Variants in SLC27A5 observed in about 807,000 individuals in gnomAD.
SLC27A5 encodes the protein solute carrier family 27 member 5.
A neutral mutation model predicts 63.1 loss-of-function variants in SLC27A5; 47 were observed. The observed-to-expected ratio is 0.74, with a 90% CI of 0.59 to 0.95. The LOEUF (loss-of-function observed/expected upper bound fraction) is 0.95, where lower values mean the gene tolerates loss of function less well. Among genes scored for constraint, SLC27A5 ranks in the 40% least tolerant of loss-of-function variants. The probability of loss-of-function intolerance (pLI) is 0.00; values close to 1 mark genes in which losing one functional copy is unlikely to be tolerated. For missense variants in SLC27A5, 940 were observed against 921.0 expected, an observed-to-expected ratio of 1.02 and a Z score of -0.27; for synonymous variants, 391 against 403.8, an observed-to-expected ratio of 0.97 and a Z score of 0.38.
intron 3 of SLC27A5, among the ~76,000 whole-genome samples, chr19:58,505,708 C>T (rs903716116): frequency 6.6e-6 from 1 of 151,072 alleles, no homozygotes; most frequent in Non-Finnish European, 1.5e-5. Context: ...ATTAGCCGGT[C>T]GTGAGGGCAC....
intron 3 of SLC27A5, 149 bp downstream of exon 3, chr19:58,509,698 G>T: frequency 2.9e-6 from 2 of 690,944 alleles, no homozygotes; most frequent in Non-Finnish European, 4.7e-6. Context: ...TGTCCATGCG[G>T]CCCTGGTAGT....
chr19:58,507,694 T>C (rs1218660189), intron 3 of SLC27A5: 3 of 152,150 alleles, frequency 2.0e-5, no homozygotes, highest in Non-Finnish European at 4.4e-5. Context: ...AGGAGAGATA[T>C]TGCTAAATTA....
At chr19:58,508,459 G>C (rs2053371446) in intron 3 of SLC27A5, 2 of 151,326 alleles carry the variant, frequency 1.3e-5, no homozygotes, top group South Asian at 4.2e-4. Flanking sequence ...GGGAGGCTGA[G>C]GCAGGAGAAT....
chr19:58,511,093 G>C (rs2053405400), intron 1 of SLC27A5, 163 bp from the exon 2 acceptor site: 1 of 944,098 alleles, frequency 1.1e-6, no homozygotes, highest in East Asian at 2.7e-5. Context: ...TCAAATTGTG[G>C]GAAAATTAAA....
intron 3 of SLC27A5, chr19:58,507,907 C>T (rs2053365268): frequency 6.6e-6 from 1 of 152,238 alleles, no homozygotes; most frequent in Middle Eastern, 3.4e-3. Flanking sequence ...CAGACCAGTT[C>T]TCTGCTCTTG....
intron 3 of SLC27A5, among the ~76,000 whole-genome samples, chr19:58,502,931 G>A (rs1055834326): frequency 6.6e-6 from 1 of 151,996 alleles, no homozygotes; most frequent in Admixed American, 6.6e-5. Context: ...AGGTGGCTGG[G>A]TGAGGATCGT....
At position 58,498,956 on chromosome 19, in the gene SLC27A5, G is replaced by A. The variant is rs778999156; in HGVS notation, c.1766-41C>T. 3.1e-6 allele frequency: 5 copies of A among 1,599,316 alleles called. No individual in the cohort carries two copies. In the African/African-American group the frequency reaches 6.7e-5, roughly 21 times the overall value. On this transcript the variant is annotated intron_variant, in intron 8 of 9. Transcript: ENST00000263093. ...GTCACTCTCGGCTGACCCATCTCGA[G>A]GGCCCATAGCTGACCCTCCAGCCTC...
intron 7 of SLC27A5, 94 bp downstream of exon 7, chr19:58,499,398 A>G (rs986586125): frequency 2.4e-5 from 34 of 1,435,034 alleles, no homozygotes; most frequent in Middle Eastern, 1.9e-4. Flanking sequence ...CTCTTACGAC[A>G]GGAAAGTCCC....
At position 58,510,872 on chromosome 19, in the gene SLC27A5, GCAGCGGATGTTCT is replaced by G; in HGVS notation, c.734_746del (p.Glu245AlafsTer67). 1 of 1,612,920 alleles carries G rather than the reference GCAGCGGATGTTCT, an allele frequency of 6.2e-7. No individual in the cohort carries two copies. Among genetic ancestry groups the G allele is most frequent in the South Asian group, 1.1e-5 (1 of 90,814 alleles). ...TAGGGGAGGTATGGCTGAGGTAGAAGCAGCGGATGTTCTCAGCCTGCAGCTTGGGAAGGATCTC... is the reference window on the plus strand; with the variant it reads ...TAGGGGAGGTATGGCTGAGGTAGAAGCAGCCTGCAGCTTGGGAAGGATCTC... On this transcript the variant is annotated frameshift_variant, in exon 2 of 10. Coordinates refer to ENST00000263093, the MANE Select transcript of SLC27A5 (RefSeq NM_012254.3). LOFTEE classifies it high-confidence loss of function.
chr19:58,510,606 T>C, intron 2 of SLC27A5, 115 bp downstream of exon 2: 1 of 926,014 alleles, frequency 1.1e-6, no homozygotes. Context: ...AAAACAAATG[T>C]CAAAATCAGA....
In SLC27A5 at chr19:58,500,603, C is replaced by G. The variant is rs1440410256; in HGVS notation, c.1286G>C (p.Trp429Ser). 6.2e-7 allele frequency: 1 copy of G among 1,614,156 alleles called. No individual in the cohort carries two copies. Among genetic ancestry groups the G allele is most frequent in the Non-Finnish European group, 8.5e-7 (1 of 1,180,030 alleles). The change falls in exon 5 of 10, where the codon TGG (tryptophan) becomes TCG (serine). Residue 429 changes from tryptophan (W) to serine (S), a missense_variant. Transcript: ENST00000263093. ...FQQRFGPIRI[W>S]EVYGSTEGNM... is the part of the protein sequence containing the mutation. ...GCCTTCTGTGGAGCCGTAGACTTCC[C>G]AGATCCGAATAGGACCGAAGCGCTG...
At position 58,498,493 on chromosome 19, in the gene SLC27A5, C is replaced by T. The variant is rs760967886; in HGVS notation, c.*22G>A. ...TGGGGGTGGCTGGCTTTGATCCCTA[C>T]CCCAGTGGGTTGGCCAGGTGATCAG... On this transcript the variant is annotated 3_prime_UTR_variant, in exon 10 of 10. Coordinates refer to ENST00000263093, the MANE Select transcript of SLC27A5 (RefSeq NM_012254.3). The T allele has an allele frequency of 1.6e-5, 25 of 1,596,224 alleles. No homozygotes were observed. In the East Asian group the frequency reaches 2.0e-4, roughly 13 times the overall value.
chr19:58,499,735 A>G (rs747189295), intron 6 of SLC27A5, 45 bp from the exon 7 acceptor site: 18 of 1,587,506 alleles, frequency 1.1e-5, no homozygotes, highest in Non-Finnish European at 1.5e-5. Context: ...CCACCAGCCA[A>G]GCCCCCTGCT....
At chr19:58,502,034 T>A (rs941359181) in intron 3 of SLC27A5, among the ~76,000 whole-genome samples, 13 of 152,312 alleles carry the variant, frequency 8.5e-5, no homozygotes, top group African/African-American at 3.1e-4. Flanking sequence ...TCACTCTTGA[T>A]TACGATAAAT....
intron 3 of SLC27A5, among the ~76,000 whole-genome samples, chr19:58,503,776 C>T (rs1568629761): frequency 6.6e-6 from 1 of 151,728 alleles, no homozygotes; most frequent in Non-Finnish European, 1.5e-5. Context: ...AATGGGGAGA[C>T]TGTTTAATTG....
At chr19:58,499,905 G>A (rs1351923162) in intron 6 of SLC27A5, among the ~76,000 whole-genome samples, 1 of 152,092 alleles carries the variant, frequency 6.6e-6, no homozygotes, top group Non-Finnish European at 1.5e-5. Context: ...TAGAGAAGGC[G>A]GTATGGGGAG....
Position 58,501,525 on chromosome 19 carries a change from G to C in SLC27A5, c.1058-115C>G, listed in dbSNP as rs1333664466. On this transcript the variant is annotated intron_variant, in intron 3 of 9. Transcript: ENST00000263093. The stretch of plus-strand genomic sequence containing the variant: ...ACCCTGAAATACAGGACAATACTGA[G>C]TTCATCTTTGTGTCCTTGGCCCAGC... 20 of 1,168,206 alleles carry C rather than the reference G, an allele frequency of 1.7e-5. No homozygotes were observed. The Admixed American group carries it at 2.7e-4, about 16-fold the overall frequency. 72.4% of individuals were successfully genotyped at this position (1,168,206 alleles called of 1,614,324 possible). A position where few individuals can be genotyped will look rare whatever the true frequency, so the allele number is the denominator to read the frequency against.
Position 58,502,975 on chromosome 19 carries a change from G to A in SLC27A5, c.1058-1565C>T, listed in dbSNP as rs544579722. On this transcript the variant is annotated intron_variant, in intron 3 of 9. Coordinates refer to ENST00000263093, the MANE Select transcript of SLC27A5 (RefSeq NM_012254.3). The stretch of plus-strand genomic sequence containing the variant: ...TAATCCCAGGACTTAGGGAGGCCGA[G>A]GTGGGCGGATCACGAGGTCAGGAGA... Among the ~76,000 whole-genome samples the A allele has an allele frequency of 3.8e-3, 571 of 152,254 alleles. 6 individuals are homozygous for A. Among genetic ancestry groups the A allele is most frequent in the Non-Finnish European group, 6.0e-3 (406 of 68,026 alleles).
chr19:58,498,533 C>T lies in SLC27A5; in HGVS notation c.2055G>A (p.Glu685=). ...LTAEMYQAVC[E]GTWRL is the part of the protein sequence containing the mutation. ...CAGGTGATCAGAGCCTCCAGGTTCC[C>T]TCACACACAGCCTGGTACATTTCTG... The change falls in exon 10 of 10, where the codon GAG becomes GAA. Residue 685 remains glutamate (E), a synonymous_variant. Transcript: ENST00000263093. 1.2e-6 allele frequency: 2 copies of T among 1,612,758 alleles called. No homozygotes were observed. Among genetic ancestry groups the T allele is most frequent in the Non-Finnish European group, 1.7e-6 (2 of 1,179,150 alleles).
Sources: gnomAD v4.1 joint callset for allele counts (sites outside exome capture counted in the v4.1 genomes callset) on GRCh38, gnomAD v4.1.1 for gene constraint, MANE v1.5 for transcripts, NCBI Gene and HGNC (gene_info 2026-07-23, HGNC 2026-07-21) for gene names.